Variants in ZEB1 observed in about 807,000 individuals in gnomAD.
The protein encoded by ZEB1 is zinc finger E-box binding homeobox 1, also known as zinc finger E-box-binding homeobox 1.
A neutral mutation model predicts 84.9 loss-of-function variants in ZEB1; 21 were observed. The observed-to-expected ratio is 0.25, with a 90% CI of 0.18 to 0.36. ZEB1 has a LOEUF of 0.36. Among genes scored for constraint, ZEB1 ranks in the 10% least tolerant of loss-of-function variants. ZEB1 has a pLI of 1.00. For synonymous variants in ZEB1, 420 were observed against 471.1 expected, an observed-to-expected ratio of 0.89 and a Z score of 1.41; for missense variants, 1,104 against 1,330.2, an observed-to-expected ratio of 0.83 and a Z score of 2.65.
chr10:31,436,762 G>A (rs1205233400), intron 1 of ZEB1, among the ~76,000 whole-genome samples: 1 of 152,060 alleles, frequency 6.6e-6, no homozygotes, highest in East Asian at 1.9e-4. Context: ...AAATGTGACA[G>A]GTCATAATTT....
chr10:31,467,520 G>T (rs1392938508), intron 2 of ZEB1, among the ~76,000 whole-genome samples: 1 of 152,170 alleles, frequency 6.6e-6, no homozygotes, highest in East Asian at 1.9e-4. Flanking sequence ...GGCCATTGCT[G>T]TGGAGTGGGA....
chr10:31,449,756 T>TA (rs2060314458), intron 1 of ZEB1, among the ~76,000 whole-genome samples: 3 of 152,212 alleles, frequency 2.0e-5, no homozygotes, highest in Non-Finnish European at 4.4e-5. Flanking sequence ...CCACCATTAC[T>TA]ATTATTTTTC....
At chr10:31,442,859 C>T (rs1048388688) in intron 1 of ZEB1, among the ~76,000 whole-genome samples, 27 of 152,188 alleles carry the variant, frequency 1.8e-4, no homozygotes, top group African/African-American at 6.3e-4. Flanking sequence ...GCAGTGCTCA[C>T]AGTCATGACA....
intron 2 of ZEB1, among the ~76,000 whole-genome samples, chr10:31,482,033 G>A (rs983863490): frequency 2.0e-5 from 3 of 151,976 alleles, no homozygotes; most frequent in Non-Finnish European, 4.4e-5. Context: ...TAATTTTGAA[G>A]TATTTTCCCA....
intron 1 of ZEB1, among the ~76,000 whole-genome samples, chr10:31,447,466 G>T (rs1388224101): frequency 1.6e-5 from 2 of 127,736 alleles, no homozygotes; most frequent in African/African-American, 6.1e-5. Context: ...TATGATGTTA[G>T]CAGGTGATTT....
intron 2 of ZEB1, among the ~76,000 whole-genome samples, chr10:31,474,220 T>C: frequency 6.6e-6 from 1 of 151,822 alleles, no homozygotes; most frequent in Non-Finnish European, 1.5e-5. Flanking sequence ...GGGATCTAAT[T>C]AAACTAAAGA....
At chr10:31,467,517 G>T (rs1430719003) in intron 2 of ZEB1, among the ~76,000 whole-genome samples, 1 of 152,150 alleles carries the variant, frequency 6.6e-6, no homozygotes, top group Non-Finnish European at 1.5e-5. Flanking sequence ...CCTGGCCATT[G>T]CTGTGGAGTG....
chr10:31,394,621 A>C (rs1378611877), intron 1 of ZEB1, among the ~76,000 whole-genome samples: 1 of 152,242 alleles, frequency 6.6e-6, no homozygotes, highest in Non-Finnish European at 1.5e-5. Context: ...CATTGTACTT[A>C]ATATAAATAG....
chr10:31,455,426 C>G (rs1341201214), intron 1 of ZEB1, among the ~76,000 whole-genome samples: 1 of 152,138 alleles, frequency 6.6e-6, no homozygotes, highest in African/African-American at 2.4e-5. Context: ...TCTAATTAAA[C>G]TAAAGAGCTT....
chr10:31,408,942 A>C (rs1208575756), intron 1 of ZEB1, among the ~76,000 whole-genome samples: 1 of 150,584 alleles, frequency 6.6e-6, no homozygotes, highest in East Asian at 1.9e-4. Flanking sequence ...AGAAACTACC[A>C]TCAGAGTGAA....
intron 1 of ZEB1, among the ~76,000 whole-genome samples, chr10:31,357,128 G>T (rs1007577512): frequency 3.3e-5 from 5 of 152,136 alleles, no homozygotes; most frequent in Non-Finnish European, 5.9e-5. Flanking sequence ...AAGAAGGGAG[G>T]AAGGGAAGGC....
chr10:31,497,152 T>C (rs901529442), intron 3 of ZEB1, among the ~76,000 whole-genome samples: 3 of 152,148 alleles, frequency 2.0e-5, no homozygotes, highest in Non-Finnish European at 4.4e-5. Context: ...AATACAGTAG[T>C]GTTAATAAAC....
At chr10:31,446,150 T>A (rs1471810676) in intron 1 of ZEB1, among the ~76,000 whole-genome samples, 1 of 151,850 alleles carries the variant, frequency 6.6e-6, no homozygotes, top group African/African-American at 2.4e-5. Context: ...CTTGGGAGAG[T>A]GTATGTGTCG....
At chr10:31,469,470 G>A (rs1251361623) in intron 2 of ZEB1, among the ~76,000 whole-genome samples, 3 of 152,260 alleles carry the variant, frequency 2.0e-5, no homozygotes, top group East Asian at 1.9e-4. Context: ...CTGGAAAATC[G>A]GGTCACTCCC....
chr10:31,441,743 G>A (rs1323790942), intron 1 of ZEB1, among the ~76,000 whole-genome samples: 1 of 152,198 alleles, frequency 6.6e-6, no homozygotes, highest in Admixed American at 6.5e-5. Flanking sequence ...AGTAGGTGAA[G>A]GATATGAACA....
chr10:31,498,395 A>C (rs1180318762), intron 3 of ZEB1, among the ~76,000 whole-genome samples: 2 of 151,960 alleles, frequency 1.3e-5, no homozygotes, highest in African/African-American at 4.8e-5. Flanking sequence ...AGCTTTTCTG[A>C]CCCTAATTTT....
At chr10:31,361,307 C>G (rs1484040301) in intron 1 of ZEB1, 2 of 1,267,328 alleles carry the variant, frequency 1.6e-6, no homozygotes, top group Non-Finnish European at 2.3e-6. Flanking sequence ...ATTCTCCTGC[C>G]TCAGCCTCCT....
In ZEB1 at chr10:31,388,722, C is replaced by T. The variant is rs139508465; in HGVS notation, c.58+69430C>T. Among the ~76,000 whole-genome samples the T allele has an allele frequency of 3.8e-4, 57 of 151,844 alleles. No individual in the cohort carries two copies. The East Asian group carries it at 6.4e-3, about 17-fold the overall frequency. On this transcript the variant is annotated intron_variant, in intron 1 of 8. Coordinates refer to ENST00000424869, the MANE Select transcript of ZEB1 (RefSeq NM_001174096.2). ...GGTGTATAGAGATAATCTATATATA[C>T]GTACAGTTTTTTTTAATTTTTATTT... is the stretch of plus-strand genomic sequence containing the variant.
intron 1 of ZEB1, among the ~76,000 whole-genome samples, chr10:31,403,723 A>T (rs1680183999): frequency 1.3e-5 from 2 of 152,142 alleles, no homozygotes; most frequent in Admixed American, 6.6e-5. Flanking sequence ...AGTGATTACT[A>T]GTATATTATG....
Sources: gnomAD v4.1 joint callset for allele counts (sites outside exome capture counted in the v4.1 genomes callset) on GRCh38, gnomAD v4.1.1 for gene constraint, MANE v1.5 for transcripts, NCBI Gene and HGNC (gene_info 2026-07-23, HGNC 2026-07-21) for gene names.